The following KCNK10 variants were observed in gnomAD, a reference collection of about 807,000 sequenced individuals.
KCNK10 encodes the protein potassium channel subfamily K member 10.
KCNK10 carries 25 observed loss-of-function variants against 47.7 expected under a neutral mutation model. That is an observed-to-expected ratio of 0.52 (90% CI 0.38 to 0.73). The LOEUF (loss-of-function observed/expected upper bound fraction) is 0.73. KCNK10 is among the 30% of genes least tolerant of loss of function. The pLI is 0.00. For synonymous variants in KCNK10, 303 were observed against 285.6 expected (o/e 1.06, Z -0.61); for missense variants, 563 against 714.5 (o/e 0.79, Z 2.42).
chr14:88,240,864 T>C, intron 2 of KCNK10, 44 bp from the exon 3 acceptor site: 1 of 1,249,984 alleles, frequency 8.0e-7, no homozygotes, highest in Non-Finnish European at 1.1e-6. Context: ...TTAAAAGTTG[T>C]TTATTTTTTT....
intron 1 of KCNK10, among the ~76,000 whole-genome samples, chr14:88,311,371 T>C (rs774368455): frequency 6.6e-6 from 1 of 152,154 alleles, no homozygotes; most frequent in Non-Finnish European, 1.5e-5. Context: ...AGACCTACTA[T>C]GCCCTACATG....
At chr14:88,235,330 C>CAAAA in intron 3 of KCNK10, 2 of 420,016 alleles carry the variant, frequency 4.8e-6, no homozygotes, top group South Asian at 1.7e-5. Flanking sequence ...ATAAAACTTC[C>CAAAA]ATAAGAAAAA....
chr14:88,278,393 T>C (rs1887574595), intron 1 of KCNK10, among the ~76,000 whole-genome samples: 1 of 152,234 alleles, frequency 6.6e-6, no homozygotes, highest in Non-Finnish European at 1.5e-5. Flanking sequence ...GCAGCCACTG[T>C]GAACATATTT....
At chr14:88,316,565 T>C (rs968662488) in intron 1 of KCNK10, among the ~76,000 whole-genome samples, 1 of 152,204 alleles carries the variant, frequency 6.6e-6, no homozygotes, top group Non-Finnish European at 1.5e-5. Context: ...ACACTCCTAG[T>C]GCCATGGTTA....
upstream of KCNK10, among the ~76,000 whole-genome samples, chr14:88,325,882 T>C (rs1254324438): frequency 6.6e-6 from 1 of 152,060 alleles, no homozygotes; most frequent in Non-Finnish European, 1.5e-5. Flanking sequence ...TTAAAAGTTA[T>C]TTGGGGCCCT....
intron 5 of KCNK10, among the ~76,000 whole-genome samples, chr14:88,189,428 T>C (rs1317175442): frequency 1.3e-5 from 2 of 152,244 alleles, no homozygotes; most frequent in Non-Finnish European, 2.9e-5. Flanking sequence ...ATTTCGTTTC[T>C]GTGCTACGCC....
intron 1 of KCNK10, among the ~76,000 whole-genome samples, chr14:88,312,385 T>C (rs1435236836): frequency 6.6e-6 from 1 of 152,198 alleles, no homozygotes; most frequent in Non-Finnish European, 1.5e-5. Context: ...AGCTTCTCAC[T>C]GTGTGTTTGC....
intron 1 of KCNK10, chr14:88,270,633 G>T: frequency 1.3e-6 from 1 of 765,302 alleles, no homozygotes; most frequent in Non-Finnish European, 2.4e-6. Flanking sequence ...ATGAGAAGAG[G>T]AAAACAAGGC....
intron 4 of KCNK10, among the ~76,000 whole-genome samples, chr14:88,213,306 AT>A (rs1885519648): frequency 6.6e-6 from 1 of 152,204 alleles, no homozygotes; most frequent in Non-Finnish European, 1.5e-5. Flanking sequence ...AATTACGATA[AT>A]TTTTTAAAAA....
intron 4 of KCNK10, among the ~76,000 whole-genome samples, chr14:88,215,102 AGG>A (rs1885576952): frequency 6.6e-6 from 1 of 151,214 alleles, no homozygotes; most frequent in African/African-American, 2.4e-5. Flanking sequence ...TCTCTTTGGC[AGG>A]GTAACTTACT....
intron 4 of KCNK10, among the ~76,000 whole-genome samples, chr14:88,224,077 T>G (rs1479192683): frequency 2.0e-5 from 3 of 152,190 alleles, no homozygotes; most frequent in Non-Finnish European, 1.5e-5. Context: ...TTGGGTTTGG[T>G]TATGCACATC....
At chr14:88,326,512 A>G (rs1264021742), upstream of KCNK10, 4 of 1,380,514 alleles carry the variant, frequency 2.9e-6, no homozygotes, top group African/African-American at 2.9e-5. Context: ...CGCAACTTCC[A>G]TGGCTATTGC....
intron 1 of KCNK10, among the ~76,000 whole-genome samples, chr14:88,288,608 T>C (rs1274742619): frequency 6.6e-6 from 1 of 152,120 alleles, no homozygotes; most frequent in Non-Finnish European, 1.5e-5. Flanking sequence ...CTGAAAACCT[T>C]CCAGAGGGTT....
At chr14:88,224,594 C>T (rs1043238886) in intron 4 of KCNK10, among the ~76,000 whole-genome samples, 1 of 152,164 alleles carries the variant, frequency 6.6e-6, no homozygotes, top group Admixed American at 6.5e-5. Context: ...TGAAGACCAA[C>T]TTTATATTTA....
chr14:88,277,237 T>G (rs928125214), intron 1 of KCNK10, among the ~76,000 whole-genome samples: 2 of 151,700 alleles, frequency 1.3e-5, no homozygotes, highest in Non-Finnish European at 2.9e-5. Flanking sequence ...ATTTGGATGG[T>G]TATTCCTTCA....
At chr14:88,251,334 G>A (rs1455532714) in intron 2 of KCNK10, among the ~76,000 whole-genome samples, 2 of 151,714 alleles carry the variant, frequency 1.3e-5, no homozygotes, top group Non-Finnish European at 2.9e-5. Context: ...CCAGGCAGAA[G>A]GGATATATTG....
At chr14:88,210,895 A>G (rs943397527) in intron 4 of KCNK10, among the ~76,000 whole-genome samples, 1 of 151,876 alleles carries the variant, frequency 6.6e-6, no homozygotes, top group Non-Finnish European at 1.5e-5. Context: ...ATCCCTGGGC[A>G]TTGTTGGTGG....
In KCNK10 at chr14:88,186,280, G is replaced by T; in HGVS notation, c.1012-125C>A. 1.7e-6 allele frequency: 2 copies of T among 1,186,552 alleles called. No homozygotes were observed. The highest frequency in any genetic ancestry group is 1.7e-5 in the South Asian group (1 of 60,430). 73.5% of individuals were successfully genotyped at this position (1,186,552 alleles called of 1,614,324 possible). On this transcript the variant is annotated intron_variant, in intron 6 of 6. Transcript: ENST00000319231. The surrounding 1 kb of genome is among the most constrained non-coding windows in gnomAD (Gnocchi z 5.5). ...GAGGTGACGGAGCACATGCCCAGGG[G>T]GAGGTGCAAATGCTACCTTCTGCCC... is the stretch of plus-strand genomic sequence containing the variant.
chr14:88,187,814 A>G (rs563031684), intron 6 of KCNK10, among the ~76,000 whole-genome samples, 153 bp downstream of exon 6: 6 of 152,222 alleles, frequency 3.9e-5, no homozygotes, highest in Non-Finnish European at 7.4e-5. Context: ...GCTTTGAAGG[A>G]CTGATTCAAC....
Sources: gnomAD v4.1 joint callset for allele counts (sites outside exome capture counted in the v4.1 genomes callset) on GRCh38, gnomAD v4.1.1 for gene constraint, Gnocchi (gnomAD v3.1) non-coding constraint, MANE v1.5 for transcripts, NCBI Gene and HGNC (gene_info 2026-07-23, HGNC 2026-07-21) for gene names.